Variants in GFOD1 observed in about 807,000 individuals in gnomAD.
GFOD1 encodes the protein glucose-fructose oxidoreductase domain-containing protein 1.
A neutral mutation model predicts 25.4 loss-of-function variants in GFOD1; 9 were observed. That is an observed-to-expected ratio of 0.35 (90% CI 0.21 to 0.62). GFOD1 has a LOEUF of 0.62. GFOD1 is among the 20% of genes least tolerant of loss of function. GFOD1 has a pLI of 0.72. For synonymous variants in GFOD1, 253 were observed against 245.6 expected (o/e 1.03, Z -0.28); for missense variants, 403 against 556.9 (o/e 0.72, Z 2.78).
At chr6:13,367,413 C>G (rs1785068944) in intron 1 of GFOD1, among the ~76,000 whole-genome samples, 1 of 152,088 alleles carries the variant, frequency 6.6e-6, no homozygotes, top group South Asian at 2.1e-4. Context: ...TTTTCTTTTC[C>G]TACAAAGAGC....
intron 1 of GFOD1, among the ~76,000 whole-genome samples, chr6:13,407,027 T>A (rs936242398): frequency 3.3e-5 from 5 of 152,214 alleles, no homozygotes; most frequent in African/African-American, 1.2e-4. Context: ...CAATGGGATG[T>A]GAATGGAAGA....
At chr6:13,476,959 C>T (rs1758636163) in intron 1 of GFOD1, among the ~76,000 whole-genome samples, 2 of 152,060 alleles carry the variant, frequency 1.3e-5, no homozygotes, top group Admixed American at 1.3e-4. Flanking sequence ...GTGACAGCCT[C>T]TTTACCAACA....
intron 1 of GFOD1, among the ~76,000 whole-genome samples, chr6:13,411,079 G>C (rs1786069025): frequency 6.6e-6 from 1 of 152,224 alleles, no homozygotes; most frequent in South Asian, 2.1e-4. Flanking sequence ...TGAGTATGCT[G>C]TCATTGCGTT....
chr6:13,457,801 C>T (rs1201665281), intron 1 of GFOD1, among the ~76,000 whole-genome samples: 1 of 152,252 alleles, frequency 6.6e-6, no homozygotes, highest in South Asian at 2.1e-4. Flanking sequence ...GGGGCTTCCA[C>T]TGGCTTGGCT....
At position 13,365,804 on chromosome 6, in the gene GFOD1, G is replaced by T; in HGVS notation, c.254-142C>A. On this transcript the variant is annotated intron_variant, in intron 1 of 1. Transcript: ENST00000379287. This position sits in a 1 kb window ranked among gnomAD's most constrained non-coding sequence, Gnocchi z 9.2. ...TCATGCCTGTTGTCCCAGCACTTTG[G>T]GAGGCCAAGGCCGGAGGAGGCCTTG... The T allele has an allele frequency of 1.4e-6, 1 of 704,956 alleles. No individual in the cohort carries two copies. 43.7% of individuals were successfully genotyped at this position (704,956 alleles called of 1,614,324 possible).
intron 1 of GFOD1, among the ~76,000 whole-genome samples, chr6:13,427,970 C>T (rs947870720): frequency 1.2e-4 from 19 of 152,070 alleles, no homozygotes; most frequent in African/African-American, 3.9e-4. Context: ...ATCGCAAGTC[C>T]CCGATGGAAA....
intron 1 of GFOD1, among the ~76,000 whole-genome samples, chr6:13,467,716 T>C (rs9370136): frequency 0.33 from 50,403 of 151,906 alleles, 8,908 homozygotes; most frequent in East Asian, 0.42. Context: ...ATGATAGGAC[T>C]GTTCCAGCTG....
chr6:13,462,861 C>T lies in GFOD1; in HGVS notation c.253+23777G>A, dbSNP rs924468581. ...CTGCCACTGTCATCTCCGTTCGTAA[C>T]ATTCTGCCTCTCGGCTGAGAGAGTT... On this transcript the variant is annotated intron_variant, in intron 1 of 1. Coordinates refer to ENST00000379287, the MANE Select transcript of GFOD1 (RefSeq NM_018988.4). 3.3e-5 allele frequency among the ~76,000 whole-genome samples: 5 copies of T among 152,222 alleles called. No homozygotes were observed. The East Asian group carries it at 9.6e-4, about 29-fold the overall frequency.
At chr6:13,375,974 G>A (rs965077564) in intron 1 of GFOD1, among the ~76,000 whole-genome samples, 2 of 152,220 alleles carry the variant, frequency 1.3e-5, no homozygotes, top group Non-Finnish European at 2.9e-5. Context: ...ATATTGGGGA[G>A]TCACTAGCCA....
At position 13,364,913 on chromosome 6, in the gene GFOD1, C is replaced by T. The variant is rs1392419549; in HGVS notation, c.1003G>A (p.Ala335Thr). Residue 335 changes from alanine (A) to threonine (T), a missense_variant, in exon 2 of 2, where the codon GCC (alanine) becomes ACC (threonine). By Grantham distance (58) the Ala-to-Thr change is moderately conservative. Transcript: ENST00000379287. This position sits in a 1 kb window ranked among gnomAD's most constrained non-coding sequence, Gnocchi z 4.1. ...GCATACAGGCAGTCGTCGAAGGTGG[C>T]GGCCATGGTGAGGGGCCGCCCATCC... ...TWDGRPLTMA[A>T]TFDDCLYALC... is the part of the protein sequence containing the mutation. 5 of 1,613,168 alleles carry T rather than the reference C, an allele frequency of 3.1e-6. No individual in the cohort carries two copies. The highest frequency in any genetic ancestry group is 3.3e-5 in the Admixed American group (2 of 60,026).
chr6:13,449,750 C>G (rs1196348585), intron 1 of GFOD1, among the ~76,000 whole-genome samples: 1 of 152,116 alleles, frequency 6.6e-6, no homozygotes, highest in Non-Finnish European at 1.5e-5. Flanking sequence ...TAAGATGTGC[C>G]TTTTGCCGTC....
chr6:13,442,458 C>T (rs1263594189), intron 1 of GFOD1, among the ~76,000 whole-genome samples: 2 of 152,154 alleles, frequency 1.3e-5, no homozygotes, highest in Non-Finnish European at 2.9e-5. Flanking sequence ...ATCTAAGCAA[C>T]AGATTTTCAA....
chr6:13,396,067 T>C (rs962445605), intron 1 of GFOD1, among the ~76,000 whole-genome samples: 2 of 152,254 alleles, frequency 1.3e-5, no homozygotes, highest in Non-Finnish European at 2.9e-5. Context: ...CATTTACATG[T>C]TTCATTTGTT....
chr6:13,407,346 A>G (rs965806609), intron 1 of GFOD1, among the ~76,000 whole-genome samples: 1 of 152,206 alleles, frequency 6.6e-6, no homozygotes, highest in Non-Finnish European at 1.5e-5. Context: ...CACATTGAAA[A>G]GTCAGCCTCA....
At chr6:13,381,438 G>C (rs1447984695) in intron 1 of GFOD1, among the ~76,000 whole-genome samples, 3 of 152,224 alleles carry the variant, frequency 2.0e-5, no homozygotes, top group Non-Finnish European at 2.9e-5. Context: ...CCAGGATACA[G>C]GTAATAAAGG....
chr6:13,443,193 A>C (rs908487299), intron 1 of GFOD1, among the ~76,000 whole-genome samples: 3 of 152,220 alleles, frequency 2.0e-5, no homozygotes, highest in African/African-American at 7.2e-5. Context: ...TGGAGCCTGA[A>C]GATGTGACTG....
intron 1 of GFOD1, among the ~76,000 whole-genome samples, chr6:13,416,213 G>A (rs1323379772): frequency 1.3e-5 from 2 of 152,138 alleles, no homozygotes; most frequent in Non-Finnish European, 2.9e-5. Flanking sequence ...AGTTTCCTGA[G>A]GCCTCATTGG....
In GFOD1 at chr6:13,388,737, G is replaced by A. The variant is rs556500270; in HGVS notation, c.254-23075C>T. Among the ~76,000 whole-genome samples the A allele has an allele frequency of 4.6e-5, 7 of 152,210 alleles. No homozygotes were observed. In the East Asian group the frequency reaches 1.3e-3, roughly 29 times the overall value. On this transcript the variant is annotated intron_variant, in intron 1 of 1. Transcript: ENST00000379287. The stretch of plus-strand genomic sequence containing the variant: ...TCATGACTAAAACACCAAAAGCAAC[G>A]GCAACAAAAGCCAACATTGACAAAT...
chr6:13,406,516 C>T (rs1210804941), intron 1 of GFOD1, among the ~76,000 whole-genome samples: 1 of 152,094 alleles, frequency 6.6e-6, no homozygotes, highest in East Asian at 1.9e-4. Flanking sequence ...GAGGGGAGGG[C>T]AGAAAGAAGA....
Sources: gnomAD v4.1 joint callset for allele counts (sites outside exome capture counted in the v4.1 genomes callset) on GRCh38, gnomAD v4.1.1 for gene constraint, Gnocchi (gnomAD v3.1) non-coding constraint, MANE v1.5 for transcripts, NCBI Gene and HGNC (gene_info 2026-07-23, HGNC 2026-07-21) for gene names.